The following OPHN1 variants were observed in gnomAD, a reference collection of about 807,000 sequenced individuals.
The protein encoded by OPHN1 is oligophrenin-1.
OPHN1 carries 11 observed loss-of-function variants against 60.7 expected under a neutral mutation model. The observed-to-expected ratio is 0.18, with a 90% CI of 0.11 to 0.30. The LOEUF (loss-of-function observed/expected upper bound fraction) is 0.30. OPHN1 is among the 10% of genes least tolerant of loss of function. The pLI is 1.00. For synonymous variants in OPHN1, 226 were observed against 222.6 expected (o/e 1.02, Z -0.14); for missense variants, 449 against 611.0 (o/e 0.73, Z 2.80).
intron 2 of OPHN1, among the ~76,000 whole-genome samples, chrX:68,365,417 A>G (rs770315548): frequency 8.9e-6 from 1 of 111,754 alleles, no homozygotes; most frequent in Admixed American, 9.6e-5. Flanking sequence ...CATGTTTAAC[A>G]TAAGGCAGCC....
At position 68,043,137 on chromosome X, in the gene OPHN1, C is replaced by A. The variant is rs1366726953; in HGVS notation, c.*4035G>T. On this transcript the variant is annotated 3_prime_UTR_variant, in exon 25 of 25. Coordinates refer to ENST00000355520, the MANE Select transcript of OPHN1 (RefSeq NM_002547.3). ...ATCGCAAGAACAAAAAACCAAACAC[C>A]GCATATTCTCACTCATAGGTGGGAA... 1 of 43,621 alleles carries A rather than the reference C, an allele frequency of 2.3e-5. No homozygotes were observed. Among genetic ancestry groups the A allele is most frequent in the Non-Finnish European group, 3.9e-5 (1 of 25,385 alleles). 3.6% of individuals were successfully genotyped at this position (43,621 alleles called of 1,213,427 possible). A position where few individuals can be genotyped will look rare whatever the true frequency, so the allele number is the denominator to read the frequency against.
At chrX:68,324,637 T>A (rs980644300) in intron 2 of OPHN1, among the ~76,000 whole-genome samples, 1 of 105,366 alleles carries the variant, frequency 9.5e-6, no homozygotes, top group Admixed American at 1.0e-4. Context: ...AATCTAAAAA[T>A]AAAAATAAAT....
chrX:68,427,588 G>A (rs1337335256), intron 2 of OPHN1, among the ~76,000 whole-genome samples: 2 of 108,660 alleles, frequency 1.8e-5, no homozygotes, highest in Non-Finnish European at 3.8e-5. Context: ...ACCTTACTCA[G>A]GTATCTAGAT....
intron 20 of OPHN1, among the ~76,000 whole-genome samples, chrX:68,066,127 C>T (rs1339663534): frequency 8.9e-6 from 1 of 112,388 alleles, no homozygotes; most frequent in African/African-American, 3.2e-5. Context: ...CAGGACGTGC[C>T]TTGTGGCAGA....
chrX:68,226,722 T>C (rs1434460514), intron 6 of OPHN1, among the ~76,000 whole-genome samples: 1 of 111,251 alleles, frequency 9.0e-6, no homozygotes, highest in Non-Finnish European at 1.9e-5. Flanking sequence ...CAAGAGCTCC[T>C]AAAGGAAGCA....
intron 15 of OPHN1, among the ~76,000 whole-genome samples, chrX:68,162,600 T>C (rs1370198629): frequency 9.1e-6 from 1 of 110,244 alleles, no homozygotes; most frequent in Non-Finnish European, 1.9e-5. Context: ...TCTATGGAAA[T>C]TATTCTACTT....
chrX:68,250,371 C>T (rs901312235), intron 5 of OPHN1, among the ~76,000 whole-genome samples: 8 of 112,090 alleles, frequency 7.1e-5, no homozygotes, highest in Non-Finnish European at 1.5e-4. Context: ...CTCACAATAA[C>T]CCTGTGAGGC....
At chrX:68,087,423 C>T (rs968598537) in intron 19 of OPHN1, among the ~76,000 whole-genome samples, 5 of 111,765 alleles carry the variant, frequency 4.5e-5, no homozygotes. Context: ...GCCAGGAGAG[C>T]GATCACCTCC....
At chrX:68,231,974 G>C (rs1045829524) in intron 6 of OPHN1, among the ~76,000 whole-genome samples, 1 of 112,171 alleles carries the variant, frequency 8.9e-6, no homozygotes, top group Non-Finnish European at 1.9e-5. Context: ...GAGGAAATGA[G>C]AAACTGTGTG....
chrX:68,421,518 A>G (rs1054971531), intron 2 of OPHN1, among the ~76,000 whole-genome samples: 5 of 111,586 alleles, frequency 4.5e-5, no homozygotes, highest in South Asian at 7.6e-4. Flanking sequence ...AAACACCTCA[A>G]TGCCTTATTA....
At chrX:68,405,609 T>A (rs1485763182) in intron 2 of OPHN1, among the ~76,000 whole-genome samples, 3 of 111,136 alleles carry the variant, frequency 2.7e-5, no homozygotes, top group Non-Finnish European at 5.6e-5. Flanking sequence ...GCAGAAAAGC[T>A]TGGAGGGGCC....
intron 4 of OPHN1, among the ~76,000 whole-genome samples, chrX:68,279,763 A>C (rs1163590186): frequency 1.8e-5 from 2 of 111,768 alleles, no homozygotes; most frequent in Non-Finnish European, 3.8e-5. Context: ...AGTGGGAAAT[A>C]GGGAGCAAAC....
chrX:68,197,280 A>G lies in OPHN1; in HGVS notation c.1026-16T>C. ...GGTTCCTGGCCTGAGGGGGAAAAAAATGGTAAGTATAAAGCAGAAAATTCA... is the reference window on the plus strand; with the variant it reads ...GGTTCCTGGCCTGAGGGGGAAAAAAGTGGTAAGTATAAAGCAGAAAATTCA... On this transcript the variant is annotated splice_polypyrimidine_tract_variant and intron_variant, in intron 11 of 24. Coordinates refer to ENST00000355520, the MANE Select transcript of OPHN1 (RefSeq NM_002547.3). The G allele has an allele frequency of 8.5e-7, 1 of 1,172,396 alleles. No individual in the cohort carries two copies.
chrX:68,333,021 A>G (rs2078303045), intron 2 of OPHN1, among the ~76,000 whole-genome samples: 1 of 111,245 alleles, frequency 9.0e-6, no homozygotes, highest in African/African-American at 3.3e-5. Flanking sequence ...ATTCAAATTT[A>G]CAGAGAAAGG....
rs755604629 is a variant in OPHN1, at chrX:68,343,381, G to A, written c.155-44285C>T. Reference sequence around the variant, plus strand: ...GCAGATCACTTGAGGTCAGGAGTTCGAGATGAGCCCGGCCAACATGGTGAA... The same window carrying A: ...GCAGATCACTTGAGGTCAGGAGTTCAAGATGAGCCCGGCCAACATGGTGAA... On this transcript the variant is annotated intron_variant, in intron 2 of 24. Coordinates refer to ENST00000355520, the MANE Select transcript of OPHN1 (RefSeq NM_002547.3). Among the ~76,000 whole-genome samples, 310 of 109,271 alleles carry A rather than the reference G, an allele frequency of 2.8e-3. 1 individual carries two copies. Among genetic ancestry groups the A allele is most frequent in the Middle Eastern group, 4.7e-3 (1 of 215 alleles). 94.9% of individuals were successfully genotyped at this position (109,271 alleles called of 115,157 possible). A position where few individuals can be genotyped will look rare whatever the true frequency, so the allele number is the denominator to read the frequency against.
intron 15 of OPHN1, among the ~76,000 whole-genome samples, chrX:68,120,715 A>G (rs1293467940): frequency 8.9e-6 from 1 of 112,424 alleles, no homozygotes; most frequent in East Asian, 2.8e-4. Flanking sequence ...ACATGAAGGT[A>G]TCACATTCTC....
intron 5 of OPHN1, among the ~76,000 whole-genome samples, chrX:68,261,810 G>T (rs1223314256): frequency 9.0e-6 from 1 of 111,366 alleles, no homozygotes; most frequent in Non-Finnish European, 1.9e-5. Context: ...AAAGAACTTG[G>T]GTTCAAATCC....
intron 8 of OPHN1, 64 bp from the exon 9 acceptor site, chrX:68,210,346 G>C: frequency 1.7e-5 from 19 of 1,105,402 alleles, no homozygotes; most frequent in Non-Finnish European, 2.3e-5. Context: ...AGTATTTCTT[G>C]GTCAGAGACT....
intron 15 of OPHN1, among the ~76,000 whole-genome samples, chrX:68,143,566 C>T (rs780394703): frequency 9.0e-6 from 1 of 111,532 alleles, no homozygotes; most frequent in Admixed American, 9.5e-5. Context: ...GCCTAGAATG[C>T]CTGTACAATG....
Sources: gnomAD v4.1 joint callset for allele counts (sites outside exome capture counted in the v4.1 genomes callset) on GRCh38, gnomAD v4.1.1 for gene constraint, MANE v1.5 for transcripts, NCBI Gene and HGNC (gene_info 2026-07-23, HGNC 2026-07-21) for gene names.